RAB2A: variants seen among roughly 807,000 people sequenced by gnomAD.
RAB2A encodes the protein RAB2A, member RAS oncogene family, also known as ras-related protein Rab-2A.
In RAB2A, 7 loss-of-function variants were observed where a neutral mutation model predicts 32.5. The ratio of observed to expected loss-of-function variants is 0.22; its 90% CI spans 0.12 to 0.40. RAB2A has a LOEUF of 0.40. Ranked by LOEUF, RAB2A falls within the 10% of genes least tolerant of loss-of-function variation. RAB2A has a pLI of 1.00. For missense variants in RAB2A, 108 were observed against 260.7 expected (o/e 0.41, Z 4.03); for synonymous variants, 79 against 85.2 (o/e 0.93, Z 0.40).
At chr8:60,597,100 T>C (rs1361978741) in intron 6 of RAB2A, among the ~76,000 whole-genome samples, 1 of 152,136 alleles carries the variant, frequency 6.6e-6, no homozygotes, top group Non-Finnish European at 1.5e-5. Context: ...ACTGAGTATA[T>C]ACCAAAAGTA....
Position 60,526,020 on chromosome 8 carries a change from CATATATATATATATAT to C in RAB2A, c.46+8789_46+8804del, listed in dbSNP as rs146162692. On this transcript the variant is annotated intron_variant, in intron 1 of 7. Coordinates refer to ENST00000262646, the MANE Select transcript of RAB2A (RefSeq NM_002865.3). ...CTATATGTATATATGTGTGTGTGTA[CATATATATATATATAT>C]ATATATATATATATATATATAAGTT... is the stretch of plus-strand genomic sequence containing the variant. Among the ~76,000 whole-genome samples the C allele has an allele frequency of 2.2e-3, 202 of 92,344 alleles. 4 individuals are homozygous for C. In the Middle Eastern group the frequency reaches 0.035, roughly 16 times the overall value. 60.6% of individuals were successfully genotyped at this position (92,344 alleles called of 152,430 possible). A position where few individuals can be genotyped will look rare whatever the true frequency, so the allele number is the denominator to read the frequency against.
intron 6 of RAB2A, among the ~76,000 whole-genome samples, chr8:60,601,568 G>A (rs592014): frequency 0.24 from 36,080 of 152,068 alleles, 4,351 homozygotes; most frequent in Middle Eastern, 0.39. Context: ...AAACTCCTAA[G>A]CTCAAATGAT....
chr8:60,592,110 C>T (rs1385978153), intron 6 of RAB2A, 141 bp downstream of exon 6: 1 of 484,386 alleles, frequency 2.1e-6, no homozygotes, highest in Admixed American at 3.5e-5. Context: ...CCTTTGAAAT[C>T]CCTTGTAACA....
At chr8:60,587,435 C>T (rs1803869309) in intron 5 of RAB2A, among the ~76,000 whole-genome samples, 1 of 152,058 alleles carries the variant, frequency 6.6e-6, no homozygotes, top group East Asian at 1.9e-4. Context: ...ATTGTAGTGA[C>T]CCTGTTTTGG....
At chr8:60,540,590 G>T (rs1054755896) in intron 1 of RAB2A, among the ~76,000 whole-genome samples, 35 of 152,196 alleles carry the variant, frequency 2.3e-4, no homozygotes, top group African/African-American at 7.7e-4. Context: ...AGCGATTCCC[G>T]TGCCTCAGCC....
At chr8:60,574,881 A>G (rs927426435) in intron 3 of RAB2A, among the ~76,000 whole-genome samples, 1 of 152,098 alleles carries the variant, frequency 6.6e-6, no homozygotes, top group Non-Finnish European at 1.5e-5. Flanking sequence ...TCTTTCCTCT[A>G]TTTCTGAGAG....
chr8:60,598,267 C>T (rs1353845331), intron 6 of RAB2A, among the ~76,000 whole-genome samples: 1 of 152,110 alleles, frequency 6.6e-6, no homozygotes, highest in Non-Finnish European at 1.5e-5. Flanking sequence ...TTAAAACTCC[C>T]CAAAAACGAA....
intron 3 of RAB2A, among the ~76,000 whole-genome samples, chr8:60,582,084 T>A (rs1220952890): frequency 6.6e-6 from 1 of 151,826 alleles, no homozygotes; most frequent in Non-Finnish European, 1.5e-5. Flanking sequence ...TAGCTAGGAC[T>A]GCACGGGTAA....
At chr8:60,578,832 G>A (rs567966760) in intron 3 of RAB2A, among the ~76,000 whole-genome samples, 2 of 152,274 alleles carry the variant, frequency 1.3e-5, no homozygotes, top group African/African-American at 4.8e-5. Flanking sequence ...TTACAAATAA[G>A]CTTTAAAATT....
At chr8:60,567,364 T>C (rs966102181) in intron 2 of RAB2A, among the ~76,000 whole-genome samples, 2 of 152,164 alleles carry the variant, frequency 1.3e-5, no homozygotes, top group Admixed American at 1.3e-4. Flanking sequence ...TCCACCTGCC[T>C]TGGCCTCTCA....
In RAB2A at chr8:60,569,760, G is replaced by T. The variant is rs72650405; in HGVS notation, c.119-2286G>T. Among the ~76,000 whole-genome samples the T allele has an allele frequency of 1.7e-4, 26 of 152,140 alleles. 1 individual carries two copies. In the South Asian group the frequency reaches 5.2e-3, roughly 30 times the overall value. On this transcript the variant is annotated intron_variant, in intron 2 of 7. Coordinates refer to ENST00000262646, the MANE Select transcript of RAB2A (RefSeq NM_002865.3). ...ATTCCTAGGCTCAAGCAATCCTCCC[G>T]TCTCAGCCTCTCGAATTGTGGGATT...
At chr8:60,579,150 C>G (rs949648510) in intron 3 of RAB2A, among the ~76,000 whole-genome samples, 1 of 152,188 alleles carries the variant, frequency 6.6e-6, no homozygotes, top group Non-Finnish European at 1.5e-5. Context: ...TCAAGTGATT[C>G]TCCTGCCTCA....
intron 6 of RAB2A, among the ~76,000 whole-genome samples, chr8:60,592,365 T>G (rs28495747): frequency 6.6e-6 from 1 of 152,066 alleles, no homozygotes; most frequent in Non-Finnish European, 1.5e-5. Context: ...CTCAAAGATA[T>G]AAGGTATTGG....
At chr8:60,567,079 T>A (rs907089640) in intron 2 of RAB2A, among the ~76,000 whole-genome samples, 2 of 152,088 alleles carry the variant, frequency 1.3e-5, no homozygotes, top group Admixed American at 6.5e-5. Context: ...CAAGCCTGTT[T>A]GAGGGTGCCA....
chr8:60,614,018 A>G (rs974533676), intron 6 of RAB2A, among the ~76,000 whole-genome samples: 2 of 152,188 alleles, frequency 1.3e-5, no homozygotes. Flanking sequence ...CCTAATTTTT[A>G]TCATGCCACC....
intron 1 of RAB2A, chr8:60,552,942 C>T (rs1235211967): frequency 6.6e-6 from 1 of 152,060 alleles, no homozygotes; most frequent in Non-Finnish European, 1.5e-5. Flanking sequence ...CTGGGGGTCA[C>T]GTTCTGTTAT....
Position 60,518,403 on chromosome 8 carries a change from T to G in RAB2A, c.46+1150T>G, listed in dbSNP as rs572409797. Reference sequence around the variant, plus strand: ...CGGACGCGGTGGCTCACACCTGTAATCCCAGCACTTTCGGAGGCCGAGGTG... The same window carrying G: ...CGGACGCGGTGGCTCACACCTGTAAGCCCAGCACTTTCGGAGGCCGAGGTG... On this transcript the variant is annotated intron_variant, in intron 1 of 7. Coordinates refer to ENST00000262646, the MANE Select transcript of RAB2A (RefSeq NM_002865.3). Among the ~76,000 whole-genome samples, 11 of 152,114 alleles carry G rather than the reference T, an allele frequency of 7.2e-5. No individual in the cohort carries two copies. The South Asian group carries it at 1.5e-3, about 20-fold the overall frequency.
intron 1 of RAB2A, among the ~76,000 whole-genome samples, chr8:60,538,415 G>A (rs1481644983): frequency 6.6e-6 from 1 of 152,188 alleles, no homozygotes. Context: ...AAAGTCTAAT[G>A]TAAACAGTCC....
At chr8:60,528,683 T>A (rs577034412) in intron 1 of RAB2A, among the ~76,000 whole-genome samples, 9 of 152,208 alleles carry the variant, frequency 5.9e-5, no homozygotes, top group Non-Finnish European at 1.0e-4. Flanking sequence ...ATTTCAGATA[T>A]CTATATTTTT....
Sources: allele counts gnomAD v4.1 joint callset (sites outside exome capture counted in the v4.1 genomes callset), GRCh38; gene constraint gnomAD v4.1.1; transcripts MANE v1.5; gene names NCBI Gene and HGNC (gene_info 2026-07-23, HGNC 2026-07-21).